The following CALHM3 variants were observed in gnomAD, a reference collection of about 807,000 sequenced individuals.
CALHM3 encodes calcium homeostasis modulator 3.
A neutral mutation model predicts 13.6 loss-of-function variants in CALHM3; 9 were observed. That is an observed-to-expected ratio of 0.66 (90% CI 0.40 to 1.15). The LOEUF (loss-of-function observed/expected upper bound fraction) is 1.15. CALHM3 is among the 50% of genes most tolerant of loss of function. The pLI is 0.01. For missense variants in CALHM3, 497 were observed against 463.4 expected (o/e 1.07, Z -0.67); for synonymous variants, 231 against 213.2 (o/e 1.08, Z -0.73).
At position 103,473,470 on chromosome 10, in the gene CALHM3, G is replaced by A. The variant is rs1369071799; in HGVS notation, c.778C>T (p.Arg260Cys). 5.2e-6 allele frequency: 8 copies of A among 1,545,088 alleles called. No homozygotes were observed. In the Admixed American group the frequency reaches 7.9e-5, roughly 15 times the overall value. ...AGTCTCCTGCCTGCATTGCCCCGGC[G>A]CAGCCCCCGCGCCTGCAGCTCACTC... ...MRSELQARGL[R>C]RGNAGRRLEL... The change falls in exon 3 of 3, where the codon CGC (arginine) becomes TGC (cysteine). Residue 260 changes from arginine (R) to cysteine (C), a missense_variant. Transcript: ENST00000369783.
chr10:103,473,500 T>A lies in CALHM3; in HGVS notation c.748A>T (p.Met250Leu). The A allele has an allele frequency of 1.3e-6, 2 of 1,550,980 alleles. No individual in the cohort carries two copies. Among genetic ancestry groups the A allele is most frequent in the South Asian group, 1.2e-5 (1 of 84,052 alleles). ...HRCVLHFFAS[M>L]RSELQARGLR... ...CCCCGCGCCTGCAGCTCACTCCGCATGCTGGCAAAGAAGTGCAGCACGCAG... is the reference window on the plus strand; with the variant it reads ...CCCCGCGCCTGCAGCTCACTCCGCAAGCTGGCAAAGAAGTGCAGCACGCAG... Residue 250 changes from methionine (M) to leucine (L), a missense_variant, in exon 3 of 3, where the codon ATG becomes TTG. Met to Leu is a conservative substitution (Grantham distance 15). Coordinates refer to ENST00000369783, the MANE Select transcript of CALHM3 (RefSeq NM_001129742.2).
chr10:103,473,009 C>T lies in CALHM3; in HGVS notation c.*204G>A. On this transcript the variant is annotated 3_prime_UTR_variant, in exon 3 of 3. Coordinates refer to ENST00000369783, the MANE Select transcript of CALHM3 (RefSeq NM_001129742.2). Reference sequence around the variant, plus strand: ...CTGAACCTGTATTTAACAAGGCCCTCGGTGAACCGAGTCCACATTAAAGTT... The same window carrying T: ...CTGAACCTGTATTTAACAAGGCCCTTGGTGAACCGAGTCCACATTAAAGTT... 1 of 452,658 alleles carries T rather than the reference C, an allele frequency of 2.2e-6. No individual in the cohort carries two copies. The highest frequency in any genetic ancestry group is 3.6e-6 in the Non-Finnish European group (1 of 275,456). 28.0% of individuals were successfully genotyped at this position (452,658 alleles called of 1,614,324 possible). A position where few individuals can be genotyped will look rare whatever the true frequency, so the allele number is the denominator to read the frequency against.
intron 2 of CALHM3, among the ~76,000 whole-genome samples, 182 bp from the exon 3 acceptor site, chr10:103,473,886 A>C (rs563575370): frequency 6.6e-6 from 1 of 152,360 alleles, no homozygotes; most frequent in East Asian, 1.9e-4. Flanking sequence ...TACCACTCCA[A>C]ACATCATAAT....
chr10:103,472,992 G>C lies in CALHM3; in HGVS notation c.*221C>G. 1 of 424,214 alleles carries C rather than the reference G, an allele frequency of 2.4e-6. No homozygotes were observed. The highest frequency in any genetic ancestry group is 4.0e-6 in the Non-Finnish European group (1 of 250,146). The allele number at this position is 424,214 out of a possible 1,614,324, so 26.3% of individuals were successfully genotyped here. ...GGTCCTGGCTACACTGTCTGAACCT[G>C]TATTTAACAAGGCCCTCGGTGAACC... On this transcript the variant is annotated 3_prime_UTR_variant, in exon 3 of 3. Coordinates refer to ENST00000369783, the MANE Select transcript of CALHM3 (RefSeq NM_001129742.2).
chr10:103,477,727 G>A (rs755099111), intron 1 of CALHM3, among the ~76,000 whole-genome samples: 9 of 151,990 alleles, frequency 5.9e-5, no homozygotes, highest in Non-Finnish European at 1.2e-4. Flanking sequence ...CCAACACCAC[G>A]CCCAGCTAAT....
chr10:103,473,465 C>T lies in CALHM3; in HGVS notation c.783G>A (p.Arg261=), dbSNP rs910920401. 3.2e-6 allele frequency: 5 copies of T among 1,541,370 alleles called. No homozygotes were observed. The highest frequency in any genetic ancestry group is 1.2e-5 in the South Asian group (1 of 83,010). Residue 261 remains arginine (R), a synonymous_variant, in exon 3 of 3, where the codon CGG becomes CGA. Coordinates refer to ENST00000369783, the MANE Select transcript of CALHM3 (RefSeq NM_001129742.2). ...RSELQARGLR[R]GNAGRRLELP... ...GCTCGAGTCTCCTGCCTGCATTGCC[C>T]CGGCGCAGCCCCCGCGCCTGCAGCT...
At position 103,478,988 on chromosome 10, in the gene CALHM3, C is replaced by T. The variant is rs376646721; in HGVS notation, c.45G>A (p.Ser15=). 94 of 1,551,652 alleles carry T rather than the reference C, an allele frequency of 6.1e-5. No individual in the cohort carries two copies. In the South Asian group the frequency reaches 8.0e-4, roughly 13 times the overall value. ...RMLFQHFQSS[S]ESVMNGICLL... ...GGCAGATGCCATTCATCACCGACTC[C>T]GAGCTTGACTGGAAGTGCTGGAAGA... is the stretch of plus-strand genomic sequence containing the variant. Residue 15 remains serine, a synonymous_variant, in exon 1 of 3, where the codon TCG becomes TCA. Coordinates refer to ENST00000369783, the MANE Select transcript of CALHM3 (RefSeq NM_001129742.2).
chr10:103,473,646 A>G lies in CALHM3; in HGVS notation c.602T>C (p.Leu201Pro), dbSNP rs2033355261. ...LIIAAFLARC[L>P]RPCFDQTVFL... ...GACTGTCTGGTCGAAGCAGGGCCTCAGGCAGCGGGCCAGGAAGGCCGCGAT... is the reference window on the plus strand; with the variant it reads ...GACTGTCTGGTCGAAGCAGGGCCTCGGGCAGCGGGCCAGGAAGGCCGCGAT... Residue 201 changes from leucine (L) to proline (P), a missense_variant, in exon 3 of 3, where the codon CTG becomes CCG. Physicochemically the swap from Leu to Pro is moderately conservative, Grantham distance 98. Coordinates refer to ENST00000369783, the MANE Select transcript of CALHM3 (RefSeq NM_001129742.2). The G allele has an allele frequency of 6.4e-7, 1 of 1,551,110 alleles. No individual in the cohort carries two copies. Among genetic ancestry groups the G allele is most frequent in the East Asian group, 2.4e-5 (1 of 40,922 alleles).
intron 1 of CALHM3, among the ~76,000 whole-genome samples, chr10:103,477,809 G>A (rs2033407383): frequency 6.6e-6 from 1 of 152,080 alleles, no homozygotes; most frequent in South Asian, 2.1e-4. Context: ...CTGACCTCAG[G>A]TGATCCACTC....
In CALHM3 at chr10:103,478,834, C is replaced by G. The variant is rs898486034; in HGVS notation, c.199G>C (p.Gly67Arg). ...LTPPLALFLCGLLANRQSVVM... is the reference protein window; with the variant it reads ...LTPPLALFLCRLLANRQSVVM... ...ACAGACTGCCGGTTGGCGAGGAGGC[C>G]GCAGAGAAACAGGGCGAGCGGGGGC... Residue 67 changes from glycine to arginine, a missense_variant, in exon 1 of 3, where the codon GGC becomes CGC. Transcript: ENST00000369783. 5 of 1,551,598 alleles carry G rather than the reference C, an allele frequency of 3.2e-6. No individual in the cohort carries two copies. Among genetic ancestry groups the G allele is most frequent in the Non-Finnish European group, 4.4e-6 (5 of 1,146,986 alleles).
intron 2 of CALHM3, among the ~76,000 whole-genome samples, chr10:103,474,787 C>G (rs1307609203): frequency 6.6e-6 from 1 of 152,138 alleles, no homozygotes; most frequent in African/African-American, 2.4e-5. Context: ...CTTTGTCATC[C>G]TTGTGTGTGC....
Position 103,473,153 on chromosome 10 carries a change from G to T in CALHM3, c.*60C>A. ...GTCCCCACGGCCTGGAAAGACTCCA[G>T]AACTTTGTCAGCGCGGCATTTCACC... On this transcript the variant is annotated 3_prime_UTR_variant, in exon 3 of 3. Coordinates refer to ENST00000369783, the MANE Select transcript of CALHM3 (RefSeq NM_001129742.2). 1 of 1,289,388 alleles carries T rather than the reference G, an allele frequency of 7.8e-7. No homozygotes were observed. Among genetic ancestry groups the T allele is most frequent in the East Asian group, 3.1e-5 (1 of 32,392 alleles). 79.9% of individuals were successfully genotyped at this position (1,289,388 alleles called of 1,614,324 possible).
At chr10:103,477,082 A>G (rs1264054237) in intron 1 of CALHM3, among the ~76,000 whole-genome samples, 14 of 152,204 alleles carry the variant, frequency 9.2e-5, no homozygotes, top group Admixed American at 9.2e-4. Context: ...TGAAGGATTA[A>G]GCCCCAGTTG....
In CALHM3 at chr10:103,473,514, T is replaced by C; in HGVS notation, c.734A>G (p.His245Arg). 2 of 1,551,158 alleles carry C rather than the reference T, an allele frequency of 1.3e-6. No individual in the cohort carries two copies. The highest frequency in any genetic ancestry group is 1.2e-5 in the South Asian group (1 of 84,054). The change falls in exon 3 of 3, where the codon CAC becomes CGC. Residue 245 changes from histidine to arginine, a missense_variant. His to Arg is a conservative substitution (Grantham distance 29). Transcript: ENST00000369783. ...CTCACTCCGCATGCTGGCAAAGAAG[T>C]GCAGCACGCAGCGGTGCGCGAAGTC... Reference protein sequence around the residue: ...ARDFAHRCVLHFFASMRSELQ... With the variant: ...ARDFAHRCVLRFFASMRSELQ...
In CALHM3 at chr10:103,478,354, A is replaced by G. The variant is rs79500517; in HGVS notation, c.287+392T>C. On this transcript the variant is annotated intron_variant, in intron 1 of 2. Coordinates refer to ENST00000369783, the MANE Select transcript of CALHM3 (RefSeq NM_001129742.2). ...TAAAACGGTAATCAAATAAATTTGT[A>G]TGCCTTTTCTCTTATTAATCTGCCT... Among the ~76,000 whole-genome samples the G allele has an allele frequency of 8.8e-3, 1,334 of 152,314 alleles. 54 individuals carry two copies. The East Asian group carries it at 0.12, about 14-fold the overall frequency.
Position 103,476,367 on chromosome 10 carries a change from CAGGG to C in CALHM3, c.466_469del (p.Pro156AlafsTer35), listed in dbSNP as rs1433141648. ...ATCCCTGACCAGCTCATCCTCCTTG[CAGGG>C]AACCTTGGCCAGGAAGAGCTGTACC... On this transcript the variant is annotated frameshift_variant, in exon 2 of 3. Coordinates refer to ENST00000369783, the MANE Select transcript of CALHM3 (RefSeq NM_001129742.2). LOFTEE classifies it high-confidence loss of function. 6.4e-7 allele frequency: 1 copy of C among 1,551,756 alleles called. No individual in the cohort carries two copies. Among genetic ancestry groups the C allele is most frequent in the East Asian group, 2.4e-5 (1 of 40,922 alleles).
In CALHM3 at chr10:103,479,164, G is replaced by C. The variant is rs60099062; in HGVS notation, c.-132C>G. The C allele has an allele frequency of 2.8e-6, 3 of 1,089,364 alleles. No homozygotes were observed. Among genetic ancestry groups the C allele is most frequent in the Non-Finnish European group, 3.8e-6 (3 of 779,770 alleles). The allele number at this position is 1,089,364 out of a possible 1,614,324, so 67.5% of individuals were successfully genotyped here. On this transcript the variant is annotated 5_prime_UTR_variant, in exon 1 of 3. Coordinates refer to ENST00000369783, the MANE Select transcript of CALHM3 (RefSeq NM_001129742.2). ...TCTCTCTCTGCTTCCAAGGGCCTGA[G>C]GGGCCAAGGAGGAAGCAGTGCCCAG...
chr10:103,477,834 A>G (rs1264295046), intron 1 of CALHM3, among the ~76,000 whole-genome samples: 1 of 152,060 alleles, frequency 6.6e-6, no homozygotes, highest in African/African-American at 2.4e-5. Context: ...CGACCTCCCA[A>G]AGTGCTGGGA....
chr10:103,477,152 G>A (rs760305387), intron 1 of CALHM3, among the ~76,000 whole-genome samples: 1 of 152,142 alleles, frequency 6.6e-6, no homozygotes, highest in Non-Finnish European at 1.5e-5. Context: ...AGCTAAGACA[G>A]CCCTGCCCAG....
Sources: gnomAD v4.1 joint callset for allele counts (sites outside exome capture counted in the v4.1 genomes callset) on GRCh38, gnomAD v4.1.1 for gene constraint, MANE v1.5 for transcripts, NCBI Gene and HGNC (gene_info 2026-07-23, HGNC 2026-07-21) for gene names.